MYCBP2: variants seen among roughly 807,000 people sequenced by gnomAD.
The protein encoded by MYCBP2 is MYC binding protein 2.
A neutral mutation model predicts 525.3 loss-of-function variants in MYCBP2; 120 were observed. That is an observed-to-expected ratio of 0.23 (90% CI 0.20 to 0.27). The LOEUF is 0.27. Among genes scored for constraint, MYCBP2 ranks in the 10% least tolerant of loss-of-function variants. The pLI, the probability that MYCBP2 is intolerant of heterozygous loss-of-function variation, is 1.00. For missense variants in MYCBP2, 4,149 were observed against 5,657.1 expected (o/e 0.73, Z 8.55); for synonymous variants, 1,894 against 1,955.8 (o/e 0.97, Z 0.83).
chr13:77,243,808 A>G lies in MYCBP2; in HGVS notation c.2525T>C (p.Leu842Ser), dbSNP rs768766707. ...VKEMIPLDLL[L>S]AVPVPGVNIE... is the part of the protein sequence containing the mutation. ...ATAGTATAATCAATCAAAATTACCT[A>G]AAAGAAGATCTAAAGGTATCATTTC... Residue 842 changes from leucine (L) to serine (S), a missense_variant and splice_region_variant, in exon 16 of 83, where the codon TTA (leucine) becomes TCA (serine). By Grantham distance (145) the Leu-to-Ser change is moderately radical (BLOSUM62 -2). This residue lies in a region of MYCBP2 where 620 missense variants were observed against 795.5 expected (regional missense o/e 0.78). Coordinates refer to ENST00000544440, the MANE Select transcript of MYCBP2 (RefSeq NM_015057.5). 1 of 1,613,200 alleles carries G rather than the reference A, an allele frequency of 6.2e-7. No individual in the cohort carries two copies. Among genetic ancestry groups the G allele is most frequent in the South Asian group, 1.1e-5 (1 of 90,894 alleles).
intron 17 of MYCBP2, among the ~76,000 whole-genome samples, chr13:77,241,483 G>A (rs1456529400): frequency 6.6e-6 from 1 of 152,080 alleles, no homozygotes; most frequent in South Asian, 2.1e-4. Flanking sequence ...CAAACAGATA[G>A]AATGGTAACT....
At position 77,206,667 on chromosome 13, in the gene MYCBP2, G is replaced by C; in HGVS notation, c.3575C>G (p.Ala1192Gly). 6.3e-7 allele frequency: 1 copy of C among 1,599,124 alleles called. No individual in the cohort carries two copies. Among genetic ancestry groups the C allele is most frequent in the Non-Finnish European group, 8.5e-7 (1 of 1,172,486 alleles). Residue 1192 changes from alanine (A) to glycine (G), a missense_variant, in exon 24 of 83, where the codon GCT becomes GGT. Physicochemically the swap from Ala to Gly is moderately conservative, Grantham distance 60 (BLOSUM62 0). Transcript: ENST00000544440. ...CGCAACCCTACCTAAAATGTGCAAA[G>C]CTGCATGAGATCGGGTAGTGAGGGC... ...SRALTTRSHA[A>G]LHILGCLDTL...
intron 44 of MYCBP2, among the ~76,000 whole-genome samples, chr13:77,161,048 T>C (rs1356991624): frequency 2.0e-5 from 3 of 152,224 alleles, no homozygotes; most frequent in Non-Finnish European, 4.4e-5. Context: ...ACACCATTGC[T>C]AGATGCAAAA....
intron 82 of MYCBP2, among the ~76,000 whole-genome samples, chr13:77,048,565 G>T (rs1365292711): frequency 6.6e-6 from 1 of 152,124 alleles, no homozygotes; most frequent in African/African-American, 2.4e-5. Flanking sequence ...TGAGTTAGAG[G>T]GATGTGTGAG....
chr13:77,099,105 A>G, intron 55 of MYCBP2, 92 bp from the exon 56 acceptor site: 2 of 1,483,526 alleles, frequency 1.3e-6, no homozygotes, highest in South Asian at 1.2e-5. Flanking sequence ...AAACATAGCT[A>G]CAAAATTTAT....
intron 35 of MYCBP2, among the ~76,000 whole-genome samples, chr13:77,177,195 A>T (rs1414653268): frequency 1.3e-5 from 2 of 151,854 alleles, no homozygotes; most frequent in African/African-American, 4.8e-5. Flanking sequence ...GGACTTAGCT[A>T]AACACTTTTA....
chr13:77,274,184 A>T (rs2075238095), intron 4 of MYCBP2, among the ~76,000 whole-genome samples: 1 of 152,262 alleles, frequency 6.6e-6, no homozygotes, highest in Non-Finnish European at 1.5e-5. Flanking sequence ...CTCCAAGTCA[A>T]TAGGACAGAT....
chr13:77,102,797 A>G (rs1594558166), intron 55 of MYCBP2, among the ~76,000 whole-genome samples: 2 of 151,892 alleles, frequency 1.3e-5, no homozygotes, highest in East Asian at 1.9e-4. Context: ...CTAAAATAGT[A>G]AAATGATTTT....
intron 17 of MYCBP2, among the ~76,000 whole-genome samples, chr13:77,242,208 G>C (rs1163034807): frequency 6.6e-6 from 1 of 152,176 alleles, no homozygotes; most frequent in Non-Finnish European, 1.5e-5. Flanking sequence ...CCACCTGCCA[G>C]GTTCAAGTGA....
intron 35 of MYCBP2, among the ~76,000 whole-genome samples, chr13:77,177,525 T>C: frequency 6.6e-6 from 1 of 151,920 alleles, no homozygotes; most frequent in East Asian, 1.9e-4. Context: ...TTTTGCCATA[T>C]TGCCTAGGCT....
chr13:77,078,317 C>T (rs2042676921), intron 66 of MYCBP2, among the ~76,000 whole-genome samples: 1 of 152,192 alleles, frequency 6.6e-6, no homozygotes, highest in African/African-American at 2.4e-5. Context: ...GACAAAGTTT[C>T]ATGAATACAA....
At chr13:77,208,261 A>T (rs2063579952) in intron 23 of MYCBP2, among the ~76,000 whole-genome samples, 1 of 152,130 alleles carries the variant, frequency 6.6e-6, no homozygotes, top group East Asian at 1.9e-4. Flanking sequence ...CATCTCCTCA[A>T]CCTTGGAAAA....
At chr13:77,177,160 A>C (rs1170469581) in intron 35 of MYCBP2, among the ~76,000 whole-genome samples, 1 of 151,824 alleles carries the variant, frequency 6.6e-6, no homozygotes, top group African/African-American at 2.4e-5. Context: ...AAAAAAAAAA[A>C]AAACTACTCA....
At chr13:77,114,287 T>A (rs1412745019) in intron 55 of MYCBP2, among the ~76,000 whole-genome samples, 1 of 152,120 alleles carries the variant, frequency 6.6e-6, no homozygotes. Flanking sequence ...AGAGAAGGAC[T>A]TTTTCTATAT....
In MYCBP2 at chr13:77,326,515, G is replaced by A. The variant is rs1469342755; in HGVS notation, c.261C>T (p.Asp87=). 1.9e-6 allele frequency: 3 copies of A among 1,598,270 alleles called. No individual in the cohort carries two copies. The highest frequency in any genetic ancestry group is 2.6e-6 in the Non-Finnish European group (3 of 1,172,806). Residue 87 remains aspartate, a synonymous_variant, in exon 1 of 83, where the codon GAC becomes GAT. Coordinates refer to ENST00000544440, the MANE Select transcript of MYCBP2 (RefSeq NM_015057.5). This position sits in a 1 kb window ranked among gnomAD's most constrained non-coding sequence, Gnocchi z 4.2. ...YRRIYTAALN[D]RDQGGGSAGH... is the part of the protein sequence containing the mutation. ...CAGCGCTGCCGCCCCCCTGGTCCCT[G>A]TCATTGAGCGCAGCGGTATAAATCC...
chr13:77,090,273 G>A lies in MYCBP2; in HGVS notation c.10368-10C>T. The A allele has an allele frequency of 1.3e-6, 2 of 1,598,012 alleles. No individual in the cohort carries two copies. Among genetic ancestry groups the A allele is most frequent in the Non-Finnish European group, 1.7e-6 (2 of 1,171,724 alleles). On this transcript the variant is annotated splice_polypyrimidine_tract_variant and intron_variant, in intron 59 of 82. Coordinates refer to ENST00000544440, the MANE Select transcript of MYCBP2 (RefSeq NM_015057.5). ...GGGACTGGTTTCTAAACTGTACATG[G>A]AACAATGCAACAGATACAAACTCAG...
At chr13:77,110,702 A>G (rs545325302) in intron 55 of MYCBP2, among the ~76,000 whole-genome samples, 1 of 152,318 alleles carries the variant, frequency 6.6e-6, no homozygotes, top group Admixed American at 6.5e-5. Context: ...GCCCAGCTGT[A>G]AAATTCCTCT....
intron 2 of MYCBP2, among the ~76,000 whole-genome samples, chr13:77,288,693 A>C (rs2077147740): frequency 6.6e-6 from 1 of 152,222 alleles, no homozygotes; most frequent in South Asian, 2.1e-4. Context: ...GTATCAAAGG[A>C]AATTCATTTT....
At chr13:77,051,547 C>T (rs890833974) in intron 81 of MYCBP2, among the ~76,000 whole-genome samples, 3 of 151,950 alleles carry the variant, frequency 2.0e-5, no homozygotes, top group Non-Finnish European at 2.9e-5. Flanking sequence ...TTTCACTGCA[C>T]GTTTAAGAAA....
Sources: allele counts gnomAD v4.1 joint callset (sites outside exome capture counted in the v4.1 genomes callset), GRCh38; gene constraint gnomAD v4.1.1; regional missense constraint gnomAD v4.1.1; non-coding constraint Gnocchi (gnomAD v3.1); transcripts MANE v1.5; gene names NCBI Gene and HGNC (gene_info 2026-07-23, HGNC 2026-07-21).